Variants in MEI4 observed in about 807,000 individuals in gnomAD.
The protein encoded by MEI4 is meiosis-specific protein MEI4.
Under a neutral mutation model 31.4 loss-of-function variants are expected in MEI4, and 27 were observed. That is an observed-to-expected ratio of 0.86 (90% CI 0.63 to 1.19). The LOEUF (loss-of-function observed/expected upper bound fraction) is 1.19, where lower values mean the gene tolerates loss of function less well. Among genes scored for constraint, MEI4 ranks in the 50% most tolerant of loss-of-function variants. The probability of loss-of-function intolerance (pLI) is 0.00; values close to 1 mark genes in which losing one functional copy is unlikely to be tolerated. For synonymous variants in MEI4, 122 were observed against 145.4 expected (o/e 0.84, Z 1.16); for missense variants, 329 against 398.9 (o/e 0.82, Z 1.49).
chr6:77,662,835 GT>G (rs34544877), intron 1 of MEI4, among the ~76,000 whole-genome samples: 44,162 of 150,082 alleles, frequency 0.29, 6,066 homozygotes, highest in South Asian at 0.4. Context: ...GAGCACGTGT[GT>G]TTTTATGAGA....
intron 3 of MEI4, among the ~76,000 whole-genome samples, chr6:77,797,294 G>C (rs1769105563): frequency 6.6e-6 from 1 of 152,106 alleles, no homozygotes; most frequent in South Asian, 2.1e-4. Context: ...TGATTTTTTG[G>C]ATATGACACC....
At chr6:77,663,678 T>C (rs1179548747) in intron 1 of MEI4, among the ~76,000 whole-genome samples, 1 of 152,140 alleles carries the variant, frequency 6.6e-6, no homozygotes, top group East Asian at 1.9e-4. Flanking sequence ...AACAGGCCCT[T>C]GAAAAGAATG....
At chr6:77,711,935 G>A (rs955699705) in intron 2 of MEI4, among the ~76,000 whole-genome samples, 1 of 152,170 alleles carries the variant, frequency 6.6e-6, no homozygotes, top group Non-Finnish European at 1.5e-5. Flanking sequence ...TTTCTATGGT[G>A]TTAAGAGTCC....
chr6:77,909,350 ACG>A (rs1766376573), intron 4 of MEI4, among the ~76,000 whole-genome samples: 1 of 152,104 alleles, frequency 6.6e-6, no homozygotes, highest in Non-Finnish European at 1.5e-5. Context: ...AGTCAAACAA[ACG>A]CAATAAAAAA....
At chr6:77,758,979 T>G (rs776144026) in intron 2 of MEI4, among the ~76,000 whole-genome samples, 1 of 152,206 alleles carries the variant, frequency 6.6e-6, no homozygotes, top group Non-Finnish European at 1.5e-5. Flanking sequence ...ATTCACTCTT[T>G]AGTCCATTGC....
intron 2 of MEI4, among the ~76,000 whole-genome samples, chr6:77,734,064 G>A (rs1420354162): frequency 1.3e-5 from 2 of 152,024 alleles, no homozygotes; most frequent in South Asian, 2.1e-4. Flanking sequence ...GGTCAGTTTT[G>A]GAATAGGTGT....
At chr6:77,692,369 A>G (rs1165639558) in intron 2 of MEI4, among the ~76,000 whole-genome samples, 1 of 152,020 alleles carries the variant, frequency 6.6e-6, no homozygotes, top group Non-Finnish European at 1.5e-5. Flanking sequence ...CACTGAGGAG[A>G]GACCTTTGAT....
chr6:77,719,475 GATA>G (rs1401822817), intron 2 of MEI4, among the ~76,000 whole-genome samples: 14 of 53,174 alleles, frequency 2.6e-4, no homozygotes, highest in Admixed American at 6.7e-4. Flanking sequence ...AGGCAAATAG[GATA>G]ACGATACCCA....
At chr6:77,693,149 A>G (rs1248294055) in intron 2 of MEI4, among the ~76,000 whole-genome samples, 4 of 152,074 alleles carry the variant, frequency 2.6e-5, no homozygotes, top group Non-Finnish European at 5.9e-5. Context: ...AAATCTTACT[A>G]TTGCATGAGC....
intron 4 of MEI4, among the ~76,000 whole-genome samples, chr6:77,873,373 C>G (rs1354004901): frequency 6.6e-6 from 1 of 152,100 alleles, no homozygotes; most frequent in East Asian, 1.9e-4. Context: ...GCATTTTTTT[C>G]ATGTGTTTTT....
chr6:77,850,996 C>A (rs1460486042), intron 4 of MEI4, among the ~76,000 whole-genome samples: 1 of 152,128 alleles, frequency 6.6e-6, no homozygotes, highest in African/African-American at 2.4e-5. Flanking sequence ...AGACACTTCT[C>A]AAAAGAAGAC....
At chr6:77,733,786 C>A (rs1261582166) in intron 2 of MEI4, among the ~76,000 whole-genome samples, 1 of 152,002 alleles carries the variant, frequency 6.6e-6, no homozygotes, top group African/African-American at 2.4e-5. Flanking sequence ...TTTCCCTCTA[C>A]ACAGTGCTTT....
intron 4 of MEI4, among the ~76,000 whole-genome samples, chr6:77,864,145 A>G (rs1028855086): frequency 8.1e-4 from 124 of 152,340 alleles, no homozygotes; most frequent in African/African-American, 2.8e-3. Flanking sequence ...TGTAAAGACC[A>G]TCGAGGCTAG....
Position 77,923,236 on chromosome 6 carries a change from C to A in MEI4, c.1048C>A (p.His350Asn), listed in dbSNP as rs1766752745. The change falls in exon 5 of 5, where the codon CAT becomes AAT. Residue 350 changes from histidine to asparagine, a missense_variant. Coordinates refer to ENST00000684080, the MANE Select transcript of MEI4 (RefSeq NM_001322247.2). ...AGAAATCAAGAAATTTCTTCAGAAG[C>A]ATGATGAAACTATTTTCCAACTTTC... ...DQEIKKFLQK[H>N]DETIFQLSDA... 1 of 1,230,300 alleles carries A rather than the reference C, an allele frequency of 8.1e-7. No individual in the cohort carries two copies. The highest frequency in any genetic ancestry group is 1.0e-6 in the Non-Finnish European group (1 of 986,860). 76.2% of individuals were successfully genotyped at this position (1,230,300 alleles called of 1,614,324 possible).
At chr6:77,835,615 T>C (rs1352820515) in intron 4 of MEI4, among the ~76,000 whole-genome samples, 2 of 152,054 alleles carry the variant, frequency 1.3e-5, no homozygotes, top group Non-Finnish European at 2.9e-5. Flanking sequence ...TCAGATACTA[T>C]GATTATGTGG....
chr6:77,709,794 T>C (rs900532557), intron 2 of MEI4, among the ~76,000 whole-genome samples: 6 of 152,228 alleles, frequency 3.9e-5, no homozygotes, highest in South Asian at 2.1e-4. Flanking sequence ...ATTTAAAACC[T>C]AAATGTGTTA....
chr6:77,700,602 C>G (rs1260073900), intron 2 of MEI4, among the ~76,000 whole-genome samples: 1 of 152,212 alleles, frequency 6.6e-6, no homozygotes, highest in Non-Finnish European at 1.5e-5. Context: ...ACCCACTGTC[C>G]TGCACTGACT....
chr6:77,705,942 T>C (rs1250206048), intron 2 of MEI4, among the ~76,000 whole-genome samples: 1 of 152,194 alleles, frequency 6.6e-6, no homozygotes, highest in Non-Finnish European at 1.5e-5. Context: ...ATCCATTGTT[T>C]CACAGTTTTG....
chr6:77,815,564 T>C (rs1467741204), intron 3 of MEI4, among the ~76,000 whole-genome samples: 1 of 152,104 alleles, frequency 6.6e-6, no homozygotes, highest in Non-Finnish European at 1.5e-5. Flanking sequence ...TGGTTGTCTC[T>C]GCCTGTTTTT....
Sources: gnomAD v4.1 joint callset for allele counts (sites outside exome capture counted in the v4.1 genomes callset) on GRCh38, gnomAD v4.1.1 for gene constraint, MANE v1.5 for transcripts, NCBI Gene and HGNC (gene_info 2026-07-23, HGNC 2026-07-21) for gene names.